The following PBRM1 variants were observed in gnomAD, a reference collection of about 807,000 sequenced individuals.
The protein encoded by PBRM1 is polybromo 1.
In PBRM1, 27 loss-of-function variants were observed where a neutral mutation model predicts 194.5. That is an observed-to-expected ratio of 0.14 (90% CI 0.10 to 0.19). The LOEUF (loss-of-function observed/expected upper bound fraction) is 0.19. PBRM1 is among the 10% of genes least tolerant of loss of function. PBRM1 has a pLI of 1.00. For synonymous variants in PBRM1, 655 were observed against 693.2 expected, an observed-to-expected ratio of 0.94 and a Z score of 0.87; for missense variants, 1,466 against 2,077.2, an observed-to-expected ratio of 0.71 and a Z score of 5.72.
chr3:52,594,188 C>CT (rs1560176253), intron 17 of PBRM1, among the ~76,000 whole-genome samples: 2 of 152,074 alleles, frequency 1.3e-5, no homozygotes, highest in Admixed American at 1.3e-4. Flanking sequence ...AGGCCTTTTT[C>CT]TTTTTTTATT....
chr3:52,656,792 G>A (rs143272916), intron 5 of PBRM1, among the ~76,000 whole-genome samples: 182 of 152,228 alleles, frequency 1.2e-3, no homozygotes, highest in African/African-American at 3.7e-3. Context: ...AGTAAGGCAC[G>A]GTGGCACAAG....
intron 16 of PBRM1, among the ~76,000 whole-genome samples, chr3:52,605,658 A>G (rs2094305863): frequency 6.7e-6 from 1 of 150,116 alleles, no homozygotes; most frequent in South Asian, 2.1e-4. Context: ...GCTGGAGTAC[A>G]GTGGTGCGGT....
intron 15 of PBRM1, among the ~76,000 whole-genome samples, chr3:52,614,373 CAAA>C (rs1165930996): frequency 3.4e-4 from 14 of 40,924 alleles, no homozygotes; most frequent in African/African-American, 1.1e-3. Flanking sequence ...GATGCTTCAT[CAAA>C]AAAAAAAAAA....
At chr3:52,674,191 G>A (rs1388820185) in intron 2 of PBRM1, among the ~76,000 whole-genome samples, 1 of 151,674 alleles carries the variant, frequency 6.6e-6, no homozygotes, top group Non-Finnish European at 1.5e-5. Flanking sequence ...GATTAACTAA[G>A]AAAGAAAGAG....
At chr3:52,596,165 C>A (rs1034854407) in intron 17 of PBRM1, among the ~76,000 whole-genome samples, 1 of 151,856 alleles carries the variant, frequency 6.6e-6, no homozygotes, top group Non-Finnish European at 1.5e-5. Flanking sequence ...TGTGGCTGGG[C>A]GCGGTGGCTC....
rs1333260554 is a variant in PBRM1 at position 52,609,230 on chromosome 3, T to C, written c.2567+83A>G. On this transcript the variant is annotated intron_variant, in intron 16 of 29. Transcript: ENST00000296302. This position sits in a 1 kb window ranked among gnomAD's most constrained non-coding sequence, Gnocchi z 4.1. ...TACAAATCATGTATGTAAGTGGAAA[T>C]AGTACATCAAAGCAATATTCTTTCA... The C allele has an allele frequency of 6.5e-6, 7 of 1,071,696 alleles. No individual in the cohort carries two copies. The highest frequency in any genetic ancestry group is 1.6e-5 in the African/African-American group (1 of 63,170). 66.4% of individuals were successfully genotyped at this position (1,071,696 alleles called of 1,614,324 possible).
At chr3:52,641,931 G>A (rs760588481) in intron 10 of PBRM1, 23 bp downstream of exon 11, 6 of 1,368,910 alleles carry the variant, frequency 4.4e-6, no homozygotes, top group Non-Finnish European at 5.2e-6. Context: ...AAGGCATTTC[G>A]CTAGTCAAAA....
chr3:52,627,200 T>A (rs2153576853), intron 13 of PBRM1, 73 bp downstream of exon 14: 1 of 772,628 alleles, frequency 1.3e-6, no homozygotes, highest in South Asian at 1.7e-5. Context: ...TTAAAAAATA[T>A]ATATTTTCTT....
intron 15 of PBRM1, among the ~76,000 whole-genome samples, chr3:52,613,079 T>C (rs2094732395): frequency 6.6e-6 from 1 of 152,168 alleles, no homozygotes; most frequent in Non-Finnish European, 1.5e-5. Flanking sequence ...TTAGGTATGA[T>C]AATTACTTCA....
chr3:52,594,337 T>C (rs2093374814), intron 17 of PBRM1, among the ~76,000 whole-genome samples: 1 of 152,228 alleles, frequency 6.6e-6, no homozygotes, highest in African/African-American at 2.4e-5. Context: ...GTGCCCTTCT[T>C]TGTCTTTTTT....
At chr3:52,658,349 GA>G in intron 4 of PBRM1, 34 bp from the exon 6 acceptor site, 1 of 1,100,476 alleles carries the variant, frequency 9.1e-7, no homozygotes, top group Non-Finnish European at 1.4e-6. Context: ...CTTTCTAAGA[GA>G]AATAATAAAA....
intron 2 of PBRM1, among the ~76,000 whole-genome samples, chr3:52,668,961 G>A (rs1368015737): frequency 2.0e-5 from 3 of 152,092 alleles, no homozygotes; most frequent in African/African-American, 7.2e-5. Context: ...CATGTCAATG[G>A]TATCCTTTAT....
chr3:52,550,625 C>A (rs2153379674), exon 29 of PBRM1: 1 of 1,522,340 alleles, frequency 6.6e-7, no homozygotes, highest in Non-Finnish European at 8.8e-7. Flanking sequence ...CCTGGAGGCC[C>A]CAAAACTCCC....
At chr3:52,552,658 C>G (rs958651336) in intron 27 of PBRM1, among the ~76,000 whole-genome samples, 1 of 152,156 alleles carries the variant, frequency 6.6e-6, no homozygotes, top group African/African-American at 2.4e-5. Flanking sequence ...GAAAGGAAGA[C>G]AGCTATGTCC....
intron 7 of PBRM1, 45 bp downstream of exon 8, chr3:52,648,299 A>T (rs2153777374): frequency 9.5e-7 from 1 of 1,050,438 alleles, no homozygotes; most frequent in Non-Finnish European, 1.5e-6. Flanking sequence ...TAAATTATCT[A>T]CTATTACCAA....
rs2096151579 is a variant in PBRM1, at chr3:52,642,823, G to A, written c.995+425C>T. 4.9e-5 allele frequency among the ~76,000 whole-genome samples: 7 copies of A among 143,916 alleles called. 1 individual carries two copies. The South Asian group carries it at 1.5e-3, about 32-fold the overall frequency. 94.4% of individuals were successfully genotyped at this position (143,916 alleles called of 152,430 possible). On this transcript the variant is annotated intron_variant, in intron 9 of 29. Coordinates refer to ENST00000296302, the Ensembl canonical transcript of PBRM1. ...TTTTTTTGAGATGGAGTTTCCCTCT[G>A]TTGCCCTGGCTGGAGTGCTGTGCCA...
chr3:52,569,064 T>G (rs1204474127), intron 22 of PBRM1, among the ~76,000 whole-genome samples: 1 of 152,124 alleles, frequency 6.6e-6, no homozygotes, highest in Non-Finnish European at 1.5e-5. Context: ...ATTTCTGTAC[T>G]TTTTGTAGAA....
chr3:52,553,821 C>T (rs1354854267), intron 27 of PBRM1, among the ~76,000 whole-genome samples: 1 of 152,050 alleles, frequency 6.6e-6, no homozygotes, highest in African/African-American at 2.4e-5. Flanking sequence ...GCCACCACGC[C>T]CAGCTAATTT....
Position 52,659,567 on chromosome 3 carries a change from G to A in PBRM1, c.529-1252C>T, listed in dbSNP as rs530228924. The stretch of plus-strand genomic sequence containing the variant: ...TTTTCAAGTAGCTGGGACCACAGAT[G>A]TGTACCACCATGCTTGGCTAATTTT... On this transcript the variant is annotated intron_variant, in intron 4 of 29. Coordinates refer to ENST00000296302, the Ensembl canonical transcript of PBRM1. Among the ~76,000 whole-genome samples the A allele has an allele frequency of 7.2e-5, 11 of 152,152 alleles. No individual in the cohort carries two copies. In the South Asian group the frequency reaches 2.1e-3, roughly 29 times the overall value.
Sources: gnomAD v4.1 joint callset for allele counts (sites outside exome capture counted in the v4.1 genomes callset) on GRCh38, gnomAD v4.1.1 for gene constraint, Gnocchi (gnomAD v3.1) non-coding constraint, MANE v1.5 for transcripts, NCBI Gene and HGNC (gene_info 2026-07-23, HGNC 2026-07-21) for gene names.